Variants in RAB21 observed in about 807,000 individuals in gnomAD.
RAB21 encodes the protein RAB21, member RAS oncogene family.
A neutral mutation model predicts 33.1 loss-of-function variants in RAB21; 13 were observed. The observed-to-expected ratio is 0.39, with a 90% CI of 0.26 to 0.62. The LOEUF (loss-of-function observed/expected upper bound fraction) is 0.62, where lower values mean the gene tolerates loss of function less well. Among genes scored for constraint, RAB21 ranks in the 20% least tolerant of loss-of-function variants. RAB21 has a pLI of 0.48. For missense variants in RAB21, 234 were observed against 279.1 expected (o/e 0.84, Z 1.15); for synonymous variants, 91 against 103.7 (o/e 0.88, Z 0.74).
chr12:71,773,791 A>G lies in RAB21; in HGVS notation c.328-168A>G, dbSNP rs17110254. Among the ~76,000 whole-genome samples, 1,031 of 152,316 alleles carry G rather than the reference A, an allele frequency of 6.8e-3. 15 individuals are homozygous for G. Among genetic ancestry groups the G allele is most frequent in the African/African-American group, 0.024 (992 of 41,554 alleles). On this transcript the variant is annotated intron_variant, in intron 3 of 6. Transcript: ENST00000261263. ...TATGTTTATATGTATATAGTTTGCA[A>G]TATAACCTGGCAATAAATGATTCTT...
intron 1 of RAB21, among the ~76,000 whole-genome samples, chr12:71,764,102 C>A (rs1882922967): frequency 6.6e-6 from 1 of 152,150 alleles, no homozygotes. Flanking sequence ...TTTGAATTGG[C>A]TATTGTTTAA....
chr12:71,778,838 G>A (rs1883157138), intron 4 of RAB21, among the ~76,000 whole-genome samples: 1 of 152,156 alleles, frequency 6.6e-6, no homozygotes, highest in South Asian at 2.1e-4. Flanking sequence ...GAAGCCAGTA[G>A]GATGATGGTA....
intron 1 of RAB21, among the ~76,000 whole-genome samples, chr12:71,757,290 A>C (rs1003387808): frequency 4.6e-5 from 7 of 152,142 alleles, no homozygotes; most frequent in African/African-American, 1.7e-4. Flanking sequence ...TTGTATTTTT[A>C]GTAGAAACGG....
intron 4 of RAB21, among the ~76,000 whole-genome samples, chr12:71,777,542 A>G (rs1883139626): frequency 6.6e-6 from 1 of 152,184 alleles, no homozygotes; most frequent in African/African-American, 2.4e-5. Flanking sequence ...TAACTTTGAA[A>G]TAATACTACT....
At position 71,782,186 on chromosome 12, in the gene RAB21, A is replaced by G. The variant is rs78244844; in HGVS notation, c.446+101A>G. The G allele has an allele frequency of 9.0e-4, 1,031 of 1,144,864 alleles. 16 individuals carry two copies. The East Asian group carries it at 0.022, about 25-fold the overall frequency. The allele number at this position is 1,144,864 out of a possible 1,614,324, so 70.9% of individuals were successfully genotyped here. ...TTAGGTATTACTCAAATCTCTTAGC[A>G]TGGATTGAGGTGTTGGATTCAGTGA... is the stretch of plus-strand genomic sequence containing the variant. On this transcript the variant is annotated intron_variant, in intron 5 of 6. Transcript: ENST00000261263.
chr12:71,787,057 C>T lies in RAB21; in HGVS notation c.*1384C>T, dbSNP rs1883304864. 6.6e-6 allele frequency: 1 copy of T among 152,164 alleles called. No individual in the cohort carries two copies. Among genetic ancestry groups the T allele is most frequent in the Non-Finnish European group, 1.5e-5 (1 of 68,034 alleles). The allele number at this position is 152,164 out of a possible 1,614,324, so 9.4% of individuals were successfully genotyped here. On this transcript the variant is annotated 3_prime_UTR_variant, in exon 7 of 7. Transcript: ENST00000261263. The stretch of plus-strand genomic sequence containing the variant: ...CGTAGTTTATGTTCCTGAGGCAGCA[C>T]TTTTAGATCCTTTGTGAGCAAGTTC...
chr12:71,759,251 C>T (rs1308205838), intron 1 of RAB21, among the ~76,000 whole-genome samples: 2 of 152,186 alleles, frequency 1.3e-5, no homozygotes, highest in Non-Finnish European at 2.9e-5. Flanking sequence ...TGGGTTGGGT[C>T]CTGGACATGG....
At position 71,770,699 on chromosome 12, in the gene RAB21, G is replaced by A. The variant is rs1252289095; in HGVS notation, c.327G>A (p.Lys109=). 6.4e-7 allele frequency: 1 copy of A among 1,556,276 alleles called. No homozygotes were observed. The change falls in exon 3 of 7, where the codon AAG becomes AAA. Residue 109 remains lysine, a splice_region_variant and synonymous_variant. Transcript: ENST00000261263. ...YDITDEDSFQ[K]VKNWVKELRK... is the part of the protein sequence containing the mutation. ...TAACAGATGAAGATTCTTTTCAGAA[G>A]GTATTCTATTCATGGGTAGATGTCT...
chr12:71,780,911 GA>G (rs1269671995), intron 4 of RAB21, among the ~76,000 whole-genome samples: 1 of 152,086 alleles, frequency 6.6e-6, no homozygotes, highest in Non-Finnish European at 1.5e-5. Context: ...ATGTTTGTTT[GA>G]AGTGTCCTTC....
At position 71,787,180 on chromosome 12, in the gene RAB21, G is replaced by A. The variant is rs1400088723; in HGVS notation, c.*1507G>A. 2.6e-5 allele frequency: 4 copies of A among 152,176 alleles called. No individual in the cohort carries two copies. Among genetic ancestry groups the A allele is most frequent in the Middle Eastern group, 3.2e-3 (1 of 316 alleles). 9.4% of individuals were successfully genotyped at this position (152,176 alleles called of 1,614,324 possible). A position where few individuals can be genotyped will look rare whatever the true frequency, so the allele number is the denominator to read the frequency against. Reference sequence around the variant, plus strand: ...TGTGGATGGAAACATTACATGTAATGCAGATATAGTGAACACTGGAAAGAT... The same window carrying A: ...TGTGGATGGAAACATTACATGTAATACAGATATAGTGAACACTGGAAAGAT... On this transcript the variant is annotated 3_prime_UTR_variant, in exon 7 of 7. Coordinates refer to ENST00000261263, the MANE Select transcript of RAB21 (RefSeq NM_014999.4).
intron 3 of RAB21, among the ~76,000 whole-genome samples, chr12:71,771,638 C>T (rs1328395760): frequency 6.6e-6 from 1 of 152,116 alleles, no homozygotes; most frequent in African/African-American, 2.4e-5. Flanking sequence ...TTATCTCCCT[C>T]TCGCGTTTTG....
chr12:71,785,559 G>C lies in RAB21; in HGVS notation c.564G>C (p.Glu188Asp), dbSNP rs762232785. 6.2e-7 allele frequency: 1 copy of C among 1,614,154 alleles called. No homozygotes were observed. Among genetic ancestry groups the C allele is most frequent in the Non-Finnish European group, 8.5e-7 (1 of 1,180,000 alleles). The part of the protein sequence containing the change: ...KRMIETAQVD[E>D]RAKGNGSSQP... ...TGATAGAAACAGCACAAGTGGATGA[G>C]AGAGCAAAAGGCAATGGCTCTAGTC... Residue 188 changes from glutamate to aspartate, a missense_variant, in exon 7 of 7, where the codon GAG becomes GAC. Physicochemically the swap from Glu to Asp is conservative, Grantham distance 45 (BLOSUM62 2). Coordinates refer to ENST00000261263, the MANE Select transcript of RAB21 (RefSeq NM_014999.4).
At chr12:71,778,403 T>C (rs1349627047) in intron 4 of RAB21, among the ~76,000 whole-genome samples, 1 of 152,162 alleles carries the variant, frequency 6.6e-6, no homozygotes, top group African/African-American at 2.4e-5. Context: ...CATTTAAGCC[T>C]CCTGACAATG....
intron 1 of RAB21, among the ~76,000 whole-genome samples, chr12:71,762,850 G>A (rs1488808888): frequency 1.2e-4 from 18 of 152,066 alleles, no homozygotes; most frequent in Admixed American, 1.2e-3. Context: ...CAAAGTGTTG[G>A]GATTACAGGC....
At chr12:71,760,838 G>T (rs1882861955) in intron 1 of RAB21, among the ~76,000 whole-genome samples, 1 of 152,136 alleles carries the variant, frequency 6.6e-6, no homozygotes, top group East Asian at 1.9e-4. Context: ...TAGGTGTCTG[G>T]GTGAATAACA....
chr12:71,780,031 A>T (rs141959522), intron 4 of RAB21, among the ~76,000 whole-genome samples: 81 of 152,338 alleles, frequency 5.3e-4, no homozygotes, highest in African/African-American at 1.9e-3. Flanking sequence ...TCAAAGAAAT[A>T]ATAGTTATTT....
intron 1 of RAB21, among the ~76,000 whole-genome samples, chr12:71,761,634 C>T (rs1882873670): frequency 6.6e-6 from 1 of 152,058 alleles, no homozygotes; most frequent in Non-Finnish European, 1.5e-5. Context: ...GCCAAGATTG[C>T]ACCATTGTGC....
At chr12:71,772,680 G>T (rs1370604743) in intron 3 of RAB21, among the ~76,000 whole-genome samples, 36 of 152,130 alleles carry the variant, frequency 2.4e-4, no homozygotes, top group Non-Finnish European at 1.5e-5. Flanking sequence ...TGGTGAAGAT[G>T]TATATTTTAT....
intron 2 of RAB21, 148 bp from the exon 3 acceptor site, chr12:71,770,444 G>C: frequency 1.6e-6 from 1 of 622,616 alleles, no homozygotes. Context: ...TGTGTGGCCT[G>C]TTTTGCTGTT....
Sources: allele counts gnomAD v4.1 joint callset (sites outside exome capture counted in the v4.1 genomes callset), GRCh38; gene constraint gnomAD v4.1.1; transcripts MANE v1.5; gene names NCBI Gene and HGNC (gene_info 2026-07-23, HGNC 2026-07-21).